Variants in PRMT8 observed in about 807,000 individuals in gnomAD.
PRMT8 encodes the protein protein arginine N-methyltransferase 8.
PRMT8 carries 7 observed loss-of-function variants against 47.1 expected under a neutral mutation model. That is an observed-to-expected ratio of 0.15 (90% CI 0.08 to 0.28). The LOEUF (loss-of-function observed/expected upper bound fraction) is 0.28. Ranked by LOEUF, PRMT8 falls within the 10% of genes least tolerant of loss-of-function variation. The pLI, the probability that PRMT8 is intolerant of heterozygous loss-of-function variation, is 1.00. For missense variants in PRMT8, 237 were observed against 505.4 expected (o/e 0.47, Z 5.09); for synonymous variants, 188 against 186.5 (o/e 1.01, Z -0.07).
At chr12:3,563,117 T>C (rs1866663821) in intron 4 of PRMT8, among the ~76,000 whole-genome samples, 1 of 151,878 alleles carries the variant, frequency 6.6e-6, no homozygotes, top group Non-Finnish European at 1.5e-5. Flanking sequence ...GGTGATGATC[T>C]CGGGTGGGAA....
In PRMT8 at chr12:3,534,752, G is replaced by A. The variant is rs79357053; in HGVS notation, c.76-5854G>A. Among the ~76,000 whole-genome samples, 405 of 152,316 alleles carry A rather than the reference G, an allele frequency of 2.7e-3. 5 individuals are homozygous for A. The East Asian group carries it at 0.058, about 22-fold the overall frequency. ...GGCCAGCTGTGTTACCCTTTTCTGA[G>A]CACAGGGCCTGGCTCCTGGCAGTAG... is the stretch of plus-strand genomic sequence containing the variant. On this transcript the variant is annotated intron_variant, in intron 1 of 9. Transcript: ENST00000382622.
At chr12:3,438,053 C>T (rs554723049) in intron 1 of PRMT8, among the ~76,000 whole-genome samples, 65 of 152,274 alleles carry the variant, frequency 4.3e-4, no homozygotes, top group African/African-American at 1.4e-3. Context: ...CCTGAGTCTA[C>T]GATTCCTGCA....
chr12:3,573,276 T>G (rs1437640903), intron 6 of PRMT8, among the ~76,000 whole-genome samples: 1 of 152,246 alleles, frequency 6.6e-6, no homozygotes, highest in Non-Finnish European at 1.5e-5. Flanking sequence ...TAAGTTCATT[T>G]TAAAAAGTCT....
intron 1 of PRMT8, among the ~76,000 whole-genome samples, chr12:3,419,254 C>CGAA (rs1864515112): frequency 1.3e-5 from 2 of 152,320 alleles, no homozygotes; most frequent in African/African-American, 4.8e-5. Context: ...CTGCCAGGGG[C>CGAA]TTCCGCCTTG....
upstream of PRMT8, among the ~76,000 whole-genome samples, chr12:3,490,380 T>G (rs895055617): frequency 5.9e-5 from 9 of 152,122 alleles, no homozygotes; most frequent in Non-Finnish European, 1.3e-4. Context: ...TCACACCCCC[T>G]GCTGCCGCCC....
intron 1 of PRMT8, among the ~76,000 whole-genome samples, chr12:3,451,024 C>A (rs1864910705): frequency 2.8e-5 from 2 of 71,458 alleles, no homozygotes; most frequent in African/African-American, 1.1e-4. Context: ...CAGTTTTGAT[C>A]TTGCTGACAC....
intron 1 of PRMT8, among the ~76,000 whole-genome samples, chr12:3,431,496 G>A (rs990018556): frequency 8.5e-5 from 13 of 152,114 alleles, no homozygotes; most frequent in Admixed American, 8.5e-4. Flanking sequence ...GGAGTCAGAG[G>A]GGGAAGAGCC....
At chr12:3,433,635 G>A (rs1267390170) in intron 1 of PRMT8, among the ~76,000 whole-genome samples, 1 of 151,448 alleles carries the variant, frequency 6.6e-6, no homozygotes, top group East Asian at 1.9e-4. Flanking sequence ...TTTTTTAGAT[G>A]AAGTCTCGCT....
intron 1 of PRMT8, among the ~76,000 whole-genome samples, chr12:3,386,899 G>A (rs766158922): frequency 6.6e-6 from 1 of 151,046 alleles, no homozygotes; most frequent in East Asian, 1.9e-4. Context: ...CAGTAGAGAC[G>A]GGGTTTCACC....
chr12:3,544,932 C>G (rs1866302396), intron 2 of PRMT8, among the ~76,000 whole-genome samples: 1 of 152,214 alleles, frequency 6.6e-6, no homozygotes, highest in Non-Finnish European at 1.5e-5. Context: ...CAATCCACTT[C>G]CATCTACTAA....
At position 3,453,696 on chromosome 12, in the gene PRMT8, G is replaced by C. The variant is rs538799339; in HGVS notation, c.48+72254G>C. On this transcript the variant is annotated intron_variant, in intron 1 of 9. Coordinates refer to the PRMT8 transcript ENST00000452611. This position sits in a 1 kb window ranked among gnomAD's most constrained non-coding sequence, Gnocchi z 4.9. ...CAAATGCTGGGGCGCAGCCATGCTG[G>C]CTGTCTCCTCGTCTGTTCTGCCCAC... 7.9e-5 allele frequency among the ~76,000 whole-genome samples: 12 copies of C among 152,310 alleles called. No individual in the cohort carries two copies. In the South Asian group the frequency reaches 2.5e-3, roughly 32 times the overall value.
rs1320961316 is a variant in PRMT8, at chr12:3,436,742, G to A, written c.48+55300G>A. Among the ~76,000 whole-genome samples the A allele has an allele frequency of 3.3e-5, 5 of 152,174 alleles. No individual in the cohort carries two copies. Among genetic ancestry groups the A allele is most frequent in the African/African-American group, 7.2e-5 (3 of 41,438 alleles). On this transcript the variant is annotated intron_variant, in intron 1 of 9. Coordinates refer to the PRMT8 transcript ENST00000452611. This position sits in a 1 kb window ranked among gnomAD's most constrained non-coding sequence, Gnocchi z 4.2. ...ACATCAAGGTGAAGTTATTTCCAGC[G>A]GATCGATTGCAGCATCTCCCCGACA...
At chr12:3,423,944 A>G (rs981700336) in intron 1 of PRMT8, among the ~76,000 whole-genome samples, 4 of 152,170 alleles carry the variant, frequency 2.6e-5, no homozygotes, top group African/African-American at 9.7e-5. Context: ...TGAGCCGGGA[A>G]TTCGTCAGGA....
chr12:3,405,641 G>A (rs989585599), intron 1 of PRMT8, among the ~76,000 whole-genome samples: 3 of 152,188 alleles, frequency 2.0e-5, no homozygotes, highest in Non-Finnish European at 4.4e-5. Flanking sequence ...AAAGAAAGGG[G>A]CCTCATAGAA....
intron 1 of PRMT8, among the ~76,000 whole-genome samples, chr12:3,429,618 A>T (rs1018712713): frequency 6.6e-6 from 1 of 152,252 alleles, no homozygotes; most frequent in Non-Finnish European, 1.5e-5. Context: ...TCACAAACAA[A>T]AACCAAAGTG....
rs146762307 is a variant in PRMT8 at position 3,447,462 on chromosome 12, G to A, written c.48+66020G>A. On this transcript the variant is annotated intron_variant, in intron 1 of 9. Transcript: ENST00000452611. ...TCACCTCTGGGCCTTTGCTTATGCT[G>A]TTCCCACAGCTGAGGCGCCCCCCTC... 4.3e-3 allele frequency among the ~76,000 whole-genome samples: 650 copies of A among 152,142 alleles called. 5 individuals carry two copies. The highest frequency in any genetic ancestry group is 0.014 in the African/African-American group (584 of 41,486).
intron 6 of PRMT8, among the ~76,000 whole-genome samples, chr12:3,571,630 A>G (rs1162637569): frequency 1.3e-5 from 2 of 152,206 alleles, no homozygotes; most frequent in Non-Finnish European, 2.9e-5. Flanking sequence ...AGGAAAAAAA[A>G]AAATCTGAAA....
intron 8 of PRMT8, among the ~76,000 whole-genome samples, chr12:3,589,893 G>T (rs1867262469): frequency 6.6e-6 from 1 of 152,208 alleles, no homozygotes; most frequent in Non-Finnish European, 1.5e-5. Context: ...TTGCCTGAAG[G>T]TCTTTAGGAA....
At chr12:3,524,797 G>A (rs909563205) in intron 1 of PRMT8, among the ~76,000 whole-genome samples, 1 of 152,164 alleles carries the variant, frequency 6.6e-6, no homozygotes, top group Non-Finnish European at 1.5e-5. Context: ...TGTGCTGGAT[G>A]TGCTTGCCTA....
Sources: gnomAD v4.1 joint callset for allele counts (sites outside exome capture counted in the v4.1 genomes callset) on GRCh38, gnomAD v4.1.1 for gene constraint, Gnocchi (gnomAD v3.1) non-coding constraint, MANE v1.5 for transcripts, NCBI Gene and HGNC (gene_info 2026-07-23, HGNC 2026-07-21) for gene names.